AGR2: variants seen among roughly 807,000 people sequenced by gnomAD.
The protein encoded by AGR2 is anterior gradient protein 2 homolog.
Under a neutral mutation model 25.9 loss-of-function variants are expected in AGR2, and 27 were observed. The ratio of observed to expected loss-of-function variants is 1.04; its 90% CI spans 0.77 to 1.44. The LOEUF is 1.44. AGR2 is among the 40% of genes most tolerant of loss of function. The pLI is 0.00. For missense variants in AGR2, 182 were observed against 200.9 expected, an observed-to-expected ratio of 0.91 and a Z score of 0.57; for synonymous variants, 78 against 72.0, an observed-to-expected ratio of 1.08 and a Z score of -0.42.
chr7:16,796,147 A>G (rs951417993), intron 6 of AGR2, among the ~76,000 whole-genome samples: 1 of 152,150 alleles, frequency 6.6e-6, no homozygotes, highest in African/African-American at 2.4e-5. Flanking sequence ...GGGCAACTTG[A>G]TCTTTAAAAT....
In AGR2 at chr7:16,798,921, A is replaced by G. The variant is rs140883477; in HGVS notation, c.330+823T>C. Among the ~76,000 whole-genome samples, 5 of 152,230 alleles carry G rather than the reference A, an allele frequency of 3.3e-5. No homozygotes were observed. In the East Asian group the frequency reaches 9.6e-4, roughly 29 times the overall value. On this transcript the variant is annotated intron_variant, in intron 5 of 7. Transcript: ENST00000419304. ...TTAAGCTGATTATGAGATATCTGGA[A>G]TATGGTTGGATAGACAATTTGGAAG...
chr7:16,797,744 T>C (rs532675374), intron 5 of AGR2, 50 bp from the exon 6 acceptor site: 1 of 1,511,808 alleles, frequency 6.6e-7, no homozygotes, highest in South Asian at 1.2e-5. Flanking sequence ...TTTTCAGTCG[T>C]TTTCAAACTT....
At chr7:16,793,011 A>G (rs372290890) in intron 7 of AGR2, 54 bp from the exon 8 acceptor site, 40 of 1,515,170 alleles carry the variant, frequency 2.6e-5, no homozygotes, top group Middle Eastern at 1.7e-4. Flanking sequence ...TTATATCGAT[A>G]TAATAAACCC....
chr7:16,801,893 C>T, intron 1 of AGR2, 90 bp from the exon 2 acceptor site: 1 of 1,141,956 alleles, frequency 8.8e-7, no homozygotes, highest in Non-Finnish European at 1.2e-6. Context: ...TGGAATATAC[C>T]AGAAACTGAG....
At position 16,792,670 on chromosome 7, in the gene AGR2, T is replaced by C; in HGVS notation, c.*238A>G. 2.1e-6 allele frequency: 1 copy of C among 480,286 alleles called. No individual in the cohort carries two copies. 29.8% of individuals were successfully genotyped at this position (480,286 alleles called of 1,614,324 possible). ...GAAAACAGAACACCCCCAAAACATT[T>C]ATTTTTTTTTTTAGAAAATCATGGC... On this transcript the variant is annotated 3_prime_UTR_variant, in exon 8 of 8. Coordinates refer to ENST00000419304, the MANE Select transcript of AGR2 (RefSeq NM_006408.4).
intron 7 of AGR2, among the ~76,000 whole-genome samples, chr7:16,793,265 T>C (rs1242945696): frequency 6.6e-6 from 1 of 152,118 alleles, no homozygotes; most frequent in East Asian, 1.9e-4. Flanking sequence ...GCCAGGCTGG[T>C]CTCGAACTCC....
chr7:16,802,451 A>G (rs765436461), intron 1 of AGR2, among the ~76,000 whole-genome samples: 2 of 152,232 alleles, frequency 1.3e-5, no homozygotes, highest in Admixed American at 6.5e-5. Flanking sequence ...GAACACTCAC[A>G]TTAGCCTAAA....
chr7:16,801,260 A>G (rs1785137822), intron 3 of AGR2, 57 bp from the exon 4 acceptor site: 1 of 1,607,426 alleles, frequency 6.2e-7, no homozygotes, highest in South Asian at 1.1e-5. Context: ...ATATATCTAG[A>G]TGTCACTAGG....
At chr7:16,798,852 G>A (rs1785092363) in intron 5 of AGR2, among the ~76,000 whole-genome samples, 1 of 152,324 alleles carries the variant, frequency 6.6e-6, no homozygotes, top group Middle Eastern at 3.4e-3. Context: ...TATTGGAAAA[G>A]CGCAAACCAA....
chr7:16,798,141 G>A (rs1785080407), intron 5 of AGR2, among the ~76,000 whole-genome samples: 1 of 152,188 alleles, frequency 6.6e-6, no homozygotes, highest in Non-Finnish European at 1.5e-5. Context: ...ACTCTATTGA[G>A]AGATACAGGT....
At chr7:16,799,404 T>A (rs1785102879) in intron 5 of AGR2, among the ~76,000 whole-genome samples, 1 of 151,960 alleles carries the variant, frequency 6.6e-6, no homozygotes, top group Non-Finnish European at 1.5e-5. Context: ...AGCTGTCTCT[T>A]CCCAAGAGAT....
At chr7:16,800,093 A>G (rs188732880) in intron 4 of AGR2, among the ~76,000 whole-genome samples, 176 of 151,858 alleles carry the variant, frequency 1.2e-3, no homozygotes, top group Middle Eastern at 6.8e-3. Flanking sequence ...TGTGTTCTGT[A>G]CTAGGGATGG....
chr7:16,803,958 G>A (rs1174729342), intron 1 of AGR2, among the ~76,000 whole-genome samples: 1 of 151,530 alleles, frequency 6.6e-6, no homozygotes, highest in South Asian at 2.1e-4. Flanking sequence ...TGATGGTAAG[G>A]CATTTTTATT....
chr7:16,793,831 T>C (rs78310052), intron 7 of AGR2, among the ~76,000 whole-genome samples: 1,824 of 152,304 alleles, frequency 0.012, 44 homozygotes, highest in African/African-American at 0.041. Context: ...AAATGAGGTA[T>C]GTGATCTACT....
intron 4 of AGR2, among the ~76,000 whole-genome samples, chr7:16,800,234 A>G (rs182402659): frequency 2.2e-4 from 34 of 152,372 alleles, no homozygotes; most frequent in African/African-American, 7.7e-4. Context: ...AAAATAAAGC[A>G]AAGCAAAGGG....
In AGR2 at chr7:16,801,323, G is replaced by C; in HGVS notation, c.200C>G (p.Thr67Arg). The C allele has an allele frequency of 1.2e-6, 2 of 1,613,650 alleles. No individual in the cohort carries two copies. The highest frequency in any genetic ancestry group is 1.7e-5 in the Admixed American group (1 of 59,980). ...TCTGAGTAATCCTGATCTTTACCTT[G>C]TCTTGGATTTATATAGAGCTTCTTC... Reference protein sequence around the residue: ...TYEEALYKSKTSNKPLMIIHH... With the variant: ...TYEEALYKSKRSNKPLMIIHH... The change falls in exon 3 of 8, where the codon ACA (threonine) becomes AGA (arginine). Residue 67 changes from threonine (T) to arginine (R), a missense_variant. Coordinates refer to ENST00000419304, the MANE Select transcript of AGR2 (RefSeq NM_006408.4).
At chr7:16,803,588 C>A (rs1301365117) in intron 1 of AGR2, among the ~76,000 whole-genome samples, 2 of 151,994 alleles carry the variant, frequency 1.3e-5, no homozygotes, top group Non-Finnish European at 2.9e-5. Context: ...ATTAACTAAT[C>A]CATAGTATGT....
rs907421609 is a variant in AGR2 at position 16,802,938 on chromosome 7, T to C, written c.-7-1135A>G. Among the ~76,000 whole-genome samples, 4 of 152,140 alleles carry C rather than the reference T, an allele frequency of 2.6e-5. No individual in the cohort carries two copies. The East Asian group carries it at 7.8e-4, about 29-fold the overall frequency. ...ACCTCCACCTCCTGGGTTCAAGTGA[T>C]CCTCCCTCCTCAGCCTCCCAAGGAG... On this transcript the variant is annotated intron_variant, in intron 1 of 7. Transcript: ENST00000419304.
chr7:16,801,062 G>A (rs760487320), intron 4 of AGR2, 89 bp downstream of exon 4: 56 of 947,636 alleles, frequency 5.9e-5, no homozygotes, highest in Admixed American at 5.7e-4. Context: ...ATGCAACTGT[G>A]GTTCTAAAGA....
Sources: allele counts gnomAD v4.1 joint callset (sites outside exome capture counted in the v4.1 genomes callset), GRCh38; gene constraint gnomAD v4.1.1; transcripts MANE v1.5; gene names NCBI Gene and HGNC (gene_info 2026-07-23, HGNC 2026-07-21).